ACSBG1: variants seen among roughly 807,000 people sequenced by gnomAD.
The protein encoded by ACSBG1 is acyl-CoA synthetase bubblegum family member 1.
ACSBG1 carries 39 observed loss-of-function variants against 80.2 expected under a neutral mutation model. The observed-to-expected ratio is 0.49, with a 90% CI of 0.38 to 0.64. The LOEUF (loss-of-function observed/expected upper bound fraction) is 0.64. ACSBG1 is among the 30% of genes least tolerant of loss of function. The probability of loss-of-function intolerance (pLI) is 0.00; values close to 1 mark genes in which losing one functional copy is unlikely to be tolerated. For missense variants in ACSBG1, 828 were observed against 966.4 expected, an observed-to-expected ratio of 0.86 and a Z score of 1.90; for synonymous variants, 392 against 379.5, an observed-to-expected ratio of 1.03 and a Z score of -0.38.
intron 2 of ACSBG1, among the ~76,000 whole-genome samples, chr15:78,194,983 A>C (rs2075099712): frequency 6.6e-6 from 1 of 152,246 alleles, no homozygotes; most frequent in Non-Finnish European, 1.5e-5. Context: ...TGGAGGACAG[A>C]CGGAAGTCCT....
chr15:78,222,624 C>T (rs2075368327), intron 1 of ACSBG1, among the ~76,000 whole-genome samples: 1 of 152,114 alleles, frequency 6.6e-6, no homozygotes, highest in Admixed American at 6.5e-5. Flanking sequence ...TCACTCCAGC[C>T]CAGGTGACCA....
chr15:78,210,228 G>A lies in ACSBG1; in HGVS notation c.132-2126C>T, dbSNP rs537766635. On this transcript the variant is annotated intron_variant, in intron 1 of 13. Coordinates refer to ENST00000258873, the MANE Select transcript of ACSBG1 (RefSeq NM_015162.5). ...GGACCGTGGCCCTCTGCCAGCATCA[G>A]TTTAACAAGAACACCTTCCTTATCC... Among the ~76,000 whole-genome samples the A allele has an allele frequency of 2.0e-5, 3 of 152,296 alleles. No individual in the cohort carries two copies. The South Asian group carries it at 6.2e-4, about 32-fold the overall frequency.
intron 5 of ACSBG1, 115 bp downstream of exon 5, chr15:78,193,391 C>A: frequency 6.9e-7 from 1 of 1,441,172 alleles, no homozygotes; most frequent in Non-Finnish European, 9.3e-7. Context: ...TAGAGGGTTG[C>A]CGTTGAGGAT....
chr15:78,174,782 C>T, intron 11 of ACSBG1: 1 of 513,276 alleles, frequency 1.9e-6, no homozygotes, highest in East Asian at 3.6e-5. Flanking sequence ...GCTCAGACAT[C>T]TCATCCATGG....
intron 2 of ACSBG1, among the ~76,000 whole-genome samples, chr15:78,203,184 A>G (rs2075183981): frequency 6.6e-6 from 1 of 152,132 alleles, no homozygotes; most frequent in South Asian, 2.1e-4. Flanking sequence ...ACAGGGCACA[A>G]CCATCAGCTC....
At chr15:78,198,124 C>A (rs2075131821) in intron 2 of ACSBG1, among the ~76,000 whole-genome samples, 1 of 152,130 alleles carries the variant, frequency 6.6e-6, no homozygotes, top group Non-Finnish European at 1.5e-5. Flanking sequence ...GCAACCTCCA[C>A]CTCCTGGGTT....
At chr15:78,194,134 G>T in intron 3 of ACSBG1, 114 bp from the exon 4 acceptor site, 2 of 993,886 alleles carry the variant, frequency 2.0e-6, no homozygotes, top group Non-Finnish European at 3.1e-6. Flanking sequence ...CCCTCCCAGG[G>T]TCCCCTCAGT....
At chr15:78,196,233 G>A (rs562085480) in intron 2 of ACSBG1, among the ~76,000 whole-genome samples, 14 of 152,304 alleles carry the variant, frequency 9.2e-5, no homozygotes, top group Admixed American at 3.3e-4. Context: ...ACTAGGCCCC[G>A]TCCAATCACT....
At chr15:78,192,421 C>T (rs575042677) in intron 5 of ACSBG1, among the ~76,000 whole-genome samples, 40 of 152,324 alleles carry the variant, frequency 2.6e-4, no homozygotes, top group African/African-American at 8.9e-4. Context: ...ATCCAGGCAG[C>T]TCTGAGGTCT....
rs2074802744 is a variant in ACSBG1 at position 78,170,196 on chromosome 15, C to G, written c.*1248G>C. 1 of 152,054 alleles carries G rather than the reference C, an allele frequency of 6.6e-6. No individual in the cohort carries two copies. The highest frequency in any genetic ancestry group is 2.4e-5 in the African/African-American group (1 of 41,374). 9.4% of individuals were successfully genotyped at this position (152,054 alleles called of 1,614,324 possible). On this transcript the variant is annotated 3_prime_UTR_variant, in exon 14 of 14. Coordinates refer to ENST00000258873, the MANE Select transcript of ACSBG1 (RefSeq NM_015162.5). ...CCTTTCCCTTCCTGTCTTCCTCTCC[C>G]TTCTCCTCTGCTGCAGCATGATTTT... is the stretch of plus-strand genomic sequence containing the variant.
intron 5 of ACSBG1, among the ~76,000 whole-genome samples, chr15:78,185,350 C>G (rs1011036342): frequency 2.0e-5 from 3 of 152,168 alleles, no homozygotes; most frequent in African/African-American, 7.2e-5. Context: ...TTCCCCCCAC[C>G]AGCATGGAGG....
chr15:78,213,271 AC>A (rs376053753), intron 1 of ACSBG1, among the ~76,000 whole-genome samples: 130 of 152,224 alleles, frequency 8.5e-4, no homozygotes, highest in Middle Eastern at 3.4e-3. Context: ...TGCGTGGCGG[AC>A]CCCACGCCCC....
intron 3 of ACSBG1, 96 bp from the exon 4 acceptor site, chr15:78,194,116 A>G: frequency 8.2e-7 from 1 of 1,217,102 alleles, no homozygotes; most frequent in East Asian, 2.4e-5. Context: ...GGGGACCTGC[A>G]GGCTCCACCC....
At chr15:78,208,506 C>T (rs576469466) in intron 1 of ACSBG1, among the ~76,000 whole-genome samples, 27 of 152,294 alleles carry the variant, frequency 1.8e-4, no homozygotes, top group South Asian at 1.0e-3. Flanking sequence ...ACTTTTGGGG[C>T]GGGGGTTCCC....
At position 78,194,596 on chromosome 15, in the gene ACSBG1, A is replaced by G. The variant is rs1432013604; in HGVS notation, c.363T>C (p.Ala121=). The G allele has an allele frequency of 1.2e-6, 2 of 1,614,260 alleles. No homozygotes were observed. The highest frequency in any genetic ancestry group is 3.3e-5 in the Admixed American group (2 of 60,036). Residue 121 remains alanine, a synonymous_variant, in exon 3 of 14, where the codon GCT becomes GCC. Transcript: ENST00000258873. ...EALDKYGDLI[A]LGFKRQDKWE... ...ACTTGTCCTGGCGCTTGAAGCCCAA[A>G]GCGATGAGGTCCCCATACTTATCCA...
intron 1 of ACSBG1, among the ~76,000 whole-genome samples, chr15:78,224,920 TG>T (rs1203671017): frequency 1.3e-5 from 2 of 152,024 alleles, no homozygotes; most frequent in Non-Finnish European, 2.9e-5. Flanking sequence ...GGAAAATGAC[TG>T]GAAAGGAAGA....
Position 78,168,764 on chromosome 15 carries a change from G to A in ACSBG1, c.*2680C>T, listed in dbSNP as rs1041219278. 3.3e-6 allele frequency: 2 copies of A among 612,264 alleles called. No homozygotes were observed. Among genetic ancestry groups the A allele is most frequent in the African/African-American group, 3.6e-5 (2 of 54,982 alleles). 37.9% of individuals were successfully genotyped at this position (612,264 alleles called of 1,614,324 possible). ...GATCCCGATCCTCCTGGGCTGGGTA[G>A]ATGGTGGTGGAGTGGTTCCTCACTT... On this transcript the variant is annotated 3_prime_UTR_variant, in exon 14 of 14. Transcript: ENST00000258873.
intron 1 of ACSBG1, among the ~76,000 whole-genome samples, chr15:78,229,073 CCTTT>C (rs1197174145): frequency 3.8e-5 from 1 of 26,236 alleles, no homozygotes; most frequent in Non-Finnish European, 1.1e-4. Context: ...GATTATATTC[CCTTT>C]TTTTTTTTTT....
chr15:78,188,232 T>C (rs1334806684), intron 5 of ACSBG1, among the ~76,000 whole-genome samples: 3 of 151,940 alleles, frequency 2.0e-5, no homozygotes, highest in Non-Finnish European at 4.4e-5. Context: ...ATCAATATCA[T>C]GAAAATGGCC....
Sources: gnomAD v4.1 joint callset for allele counts (sites outside exome capture counted in the v4.1 genomes callset) on GRCh38, gnomAD v4.1.1 for gene constraint, MANE v1.5 for transcripts, NCBI Gene and HGNC (gene_info 2026-07-23, HGNC 2026-07-21) for gene names.